TRPM6: variants seen among roughly 807,000 people sequenced by gnomAD.
TRPM6 encodes the protein transient receptor potential cation channel subfamily M member 6, also known as channel kinase 2.
Under a neutral mutation model 247.6 loss-of-function variants are expected in TRPM6, and 111 were observed. The observed-to-expected ratio is 0.45, with a 90% CI of 0.38 to 0.52. TRPM6 has a LOEUF of 0.52. TRPM6 is among the 20% of genes least tolerant of loss of function. TRPM6 has a pLI of 0.00. For synonymous variants in TRPM6, 892 were observed against 853.8 expected (o/e 1.04, Z -0.78); for missense variants, 2,126 against 2,421.5 (o/e 0.88, Z 2.56).
Position 74,747,926 on chromosome 9 carries a change from A to C in TRPM6, c.5058-12T>G, listed in dbSNP as rs1290871663. On this transcript the variant is annotated splice_polypyrimidine_tract_variant and intron_variant, in intron 30 of 38. Transcript: ENST00000360774. ...TTGAACTTTTCAGCCTGTTTGAAAA[A>C]AAAATGAAGTTGTTTAGATAATGCT... The C allele has an allele frequency of 6.2e-7, 1 of 1,611,740 alleles. No homozygotes were observed. The highest frequency in any genetic ancestry group is 2.2e-5 in the East Asian group (1 of 44,740).
intron 19 of TRPM6, among the ~76,000 whole-genome samples, chr9:74,789,316 T>G (rs1827810271): frequency 1.3e-5 from 2 of 151,992 alleles, no homozygotes; most frequent in Admixed American, 1.3e-4. Context: ...CACTCAGCAC[T>G]CTGCTTGACA....
At chr9:74,779,010 A>T (rs1476267434) in intron 23 of TRPM6, among the ~76,000 whole-genome samples, 1 of 152,126 alleles carries the variant, frequency 6.6e-6, no homozygotes, top group African/African-American at 2.4e-5. Flanking sequence ...GCGGGGTGTG[A>T]GCCTTTCCCC....
Position 74,771,808 on chromosome 9 carries a change from T to C in TRPM6, c.3431A>G (p.Lys1144Arg). The change falls in exon 25 of 39, where the codon AAA (lysine) becomes AGA (arginine). Residue 1144 changes from lysine (K) to arginine (R), a missense_variant. This residue lies in a region of TRPM6 where 717 missense variants were observed against 715.9 expected (regional missense o/e 1.00). Coordinates refer to ENST00000360774, the MANE Select transcript of TRPM6 (RefSeq NM_017662.5). ...LKLYLSKEDL[K>R]KLHDFEEQCV... ...CTGCTCCTCAAAATCATGAAGTTTT[T>C]TCAGATCCTCCTTACTGAGGTAGAG... 1 of 1,613,912 alleles carries C rather than the reference T, an allele frequency of 6.2e-7. No individual in the cohort carries two copies. Among genetic ancestry groups the C allele is most frequent in the East Asian group, 2.2e-5 (1 of 44,876 alleles).
chr9:74,845,148 T>C (rs1196602202), intron 3 of TRPM6, among the ~76,000 whole-genome samples: 1 of 152,234 alleles, frequency 6.6e-6, no homozygotes, highest in East Asian at 1.9e-4. Context: ...AAGTTTGAAA[T>C]ATTGCGAGAA....
intron 13 of TRPM6, among the ~76,000 whole-genome samples, chr9:74,808,517 T>C (rs951481204): frequency 2.0e-5 from 3 of 152,180 alleles, no homozygotes; most frequent in South Asian, 2.1e-4. Context: ...TTTTATTCCA[T>C]ATTGAGTTCC....
chr9:74,809,657 G>T (rs1257549613), intron 13 of TRPM6, among the ~76,000 whole-genome samples: 1 of 151,994 alleles, frequency 6.6e-6, no homozygotes, highest in Non-Finnish European at 1.5e-5. Context: ...ATTTACATGA[G>T]CACGGACACT....
chr9:74,779,942 G>C (rs1193813647), intron 23 of TRPM6, among the ~76,000 whole-genome samples: 1 of 152,168 alleles, frequency 6.6e-6, no homozygotes, highest in Non-Finnish European at 1.5e-5. Context: ...GGGAGGCCAA[G>C]GTGGGCGGAT....
chr9:74,791,816 C>T (rs1360169513), intron 19 of TRPM6, among the ~76,000 whole-genome samples: 4 of 152,108 alleles, frequency 2.6e-5, no homozygotes, highest in East Asian at 1.9e-4. Context: ...AGTGTAGCGG[C>T]GCAATCTCGG....
At position 74,820,293 on chromosome 9, in the gene TRPM6, G is replaced by T. The variant is rs377209191; in HGVS notation, c.1134+11C>A. ...CTTAAGTCAGTTGAATCATCAACTC[G>T]TCATACTCACACAATCCCTGTGAAC... On this transcript the variant is annotated intron_variant, in intron 9 of 38. Coordinates refer to ENST00000360774, the MANE Select transcript of TRPM6 (RefSeq NM_017662.5). 1 of 1,613,392 alleles carries T rather than the reference G, an allele frequency of 6.2e-7. No individual in the cohort carries two copies. Among genetic ancestry groups the T allele is most frequent in the Middle Eastern group, 1.7e-4 (1 of 6,060 alleles).
chr9:74,886,266 T>C (rs1476399338), intron 1 of TRPM6, among the ~76,000 whole-genome samples: 2 of 152,152 alleles, frequency 1.3e-5, no homozygotes, highest in African/African-American at 4.8e-5. Context: ...GTGGGAAACA[T>C]AAGAAACAAC....
intron 8 of TRPM6, 72 bp downstream of exon 8, chr9:74,821,597 C>T: frequency 6.5e-7 from 1 of 1,541,130 alleles, no homozygotes; most frequent in Non-Finnish European, 9.0e-7. Flanking sequence ...CACATAAATG[C>T]ACAGCCAAAA....
At chr9:74,759,136 T>A (rs747406163) in intron 27 of TRPM6, among the ~76,000 whole-genome samples, 2 of 152,010 alleles carry the variant, frequency 1.3e-5, no homozygotes, top group African/African-American at 2.4e-5. Flanking sequence ...GAGAAATACA[T>A]CATGTTCGTG....
intron 21 of TRPM6, among the ~76,000 whole-genome samples, chr9:74,785,006 C>T (rs1390903704): frequency 1.3e-5 from 2 of 152,020 alleles, no homozygotes; most frequent in African/African-American, 2.4e-5. Context: ...CCCAGTTACT[C>T]AGGTGGTTGA....
At chr9:74,745,246 C>G (rs1239350531) in intron 31 of TRPM6, among the ~76,000 whole-genome samples, 2 of 152,174 alleles carry the variant, frequency 1.3e-5, no homozygotes, top group African/African-American at 4.8e-5. Context: ...TCTGATAAAA[C>G]TGAGTTTCAG....
Position 74,742,134 on chromosome 9 carries a change from C to T in TRPM6, c.5200+427G>A, listed in dbSNP as rs1435412514. 2.6e-5 allele frequency among the ~76,000 whole-genome samples: 4 copies of T among 152,118 alleles called. No individual in the cohort carries two copies. In the East Asian group the frequency reaches 5.8e-4, roughly 22 times the overall value. ...TGACATTTGCAGTCTGAGATAAGAG[C>T]AATTAGTGTACACAAAACAAAATAA... On this transcript the variant is annotated intron_variant, in intron 33 of 38. Coordinates refer to ENST00000360774, the MANE Select transcript of TRPM6 (RefSeq NM_017662.5).
chr9:74,786,608 C>T (rs1331559828), intron 20 of TRPM6, among the ~76,000 whole-genome samples: 6 of 151,954 alleles, frequency 3.9e-5, no homozygotes, highest in Non-Finnish European at 8.8e-5. Flanking sequence ...GGCGTGGTTG[C>T]GGGTGCCTGT....
At chr9:74,821,898 G>C in intron 7 of TRPM6, 61 bp from the exon 8 acceptor site, 1 of 1,589,266 alleles carries the variant, frequency 6.3e-7, no homozygotes, top group Non-Finnish European at 8.6e-7. Flanking sequence ...CCAGTCGGCC[G>C]TTTTGACTTC....
At chr9:74,825,282 A>G (rs1212932954) in intron 7 of TRPM6, among the ~76,000 whole-genome samples, 1 of 152,166 alleles carries the variant, frequency 6.6e-6, no homozygotes, top group African/African-American at 2.4e-5. Context: ...AAAAAAGTCA[A>G]ATAAATCAAC....
chr9:74,859,723 G>A (rs772325360), intron 1 of TRPM6, among the ~76,000 whole-genome samples: 1 of 150,712 alleles, frequency 6.6e-6, no homozygotes, highest in East Asian at 1.9e-4. Flanking sequence ...GCAGTGAGCC[G>A]AGATTGCACC....
Sources: gnomAD v4.1 joint callset for allele counts (sites outside exome capture counted in the v4.1 genomes callset) on GRCh38, gnomAD v4.1.1 for gene constraint, gnomAD v4.1.1 regional missense constraint, MANE v1.5 for transcripts, NCBI Gene and HGNC (gene_info 2026-07-23, HGNC 2026-07-21) for gene names.